Variants in PMVK observed in about 807,000 individuals in gnomAD.
The protein encoded by PMVK is testis tissue sperm-binding protein Li 95mP.
Under a neutral mutation model 19.0 loss-of-function variants are expected in PMVK, and 10 were observed. That is an observed-to-expected ratio of 0.53 (90% CI 0.32 to 0.89). The LOEUF is 0.89. Among genes scored for constraint, PMVK ranks in the 40% least tolerant of loss-of-function variants. PMVK has a pLI of 0.03. For missense variants in PMVK, 222 were observed against 251.1 expected (o/e 0.88, Z 0.78); for synonymous variants, 108 against 101.6 (o/e 1.06, Z -0.38).
At chr1:154,929,239 A>C in intron 2 of PMVK, 63 bp from the exon 3 acceptor site, 7 of 1,508,446 alleles carry the variant, frequency 4.6e-6, no homozygotes, top group Non-Finnish European at 6.4e-6. Flanking sequence ...CTCCTAAAAC[A>C]GCGGAAGAGC....
Position 154,926,397 on chromosome 1 carries a change from C to T in PMVK, c.399G>A (p.Ala133=), listed in dbSNP as rs201719999. The change falls in exon 4 of 5, where the codon GCG becomes GCA. Residue 133 remains alanine, a synonymous_variant. Coordinates refer to ENST00000368467, the MANE Select transcript of PMVK (RefSeq NM_006556.4). ...CCCGCTGCTGTCGGCTCTGCTCCAACGCTACAACGCGGACCGTCTGCGTCA... is the reference window on the plus strand; with the variant it reads ...CCCGCTGCTGTCGGCTCTGCTCCAATGCTACAACGCGGACCGTCTGCGTCA... The part of the protein sequence containing the change: ...GAVTQTVRVV[A]LEQSRQQRGW... 31 of 1,613,844 alleles carry T rather than the reference C, an allele frequency of 1.9e-5. No homozygotes were observed. The highest frequency in any genetic ancestry group is 1.8e-4 in the East Asian group (8 of 44,886).
intron 1 of PMVK, among the ~76,000 whole-genome samples, chr1:154,935,395 C>T (rs1654472690): frequency 6.6e-6 from 1 of 152,160 alleles, no homozygotes; most frequent in Non-Finnish European, 1.5e-5. Context: ...CACTTTCTCC[C>T]CAACCTCTGC....
upstream of PMVK, among the ~76,000 whole-genome samples, chr1:154,941,110 G>A (rs1654630297): frequency 6.6e-6 from 1 of 152,212 alleles, no homozygotes; most frequent in African/African-American, 2.4e-5. Context: ...CCGCCACTCT[G>A]GGGTTTCCGA....
rs200157729 is a variant in PMVK at position 154,926,383 on chromosome 1, C to A, written c.413G>T (p.Arg138Leu). 22 of 1,613,466 alleles carry A rather than the reference C, an allele frequency of 1.4e-5. No individual in the cohort carries two copies. The East Asian group carries it at 4.2e-4, about 31-fold the overall frequency. ...TVRVVALEQS[R>L]QQRGWVFTPG... Reference sequence around the variant, plus strand: ...CGTGAACACCCAGCCCCGCTGCTGTCGGCTCTGCTCCAACGCTACAACGCG... The same window carrying A: ...CGTGAACACCCAGCCCCGCTGCTGTAGGCTCTGCTCCAACGCTACAACGCG... Residue 138 changes from arginine to leucine, a missense_variant, in exon 4 of 5, where the codon CGA becomes CTA. Coordinates refer to ENST00000368467, the MANE Select transcript of PMVK (RefSeq NM_006556.4).
At chr1:154,936,894 C>T, upstream of PMVK, 1 of 569,312 alleles carries the variant, frequency 1.8e-6, no homozygotes, top group Non-Finnish European at 3.2e-6. Flanking sequence ...GGGTGAGACA[C>T]GCGGAGAGAA....
Position 154,925,096 on chromosome 1 carries a change from AGCAGG to A in PMVK, c.*28_*32del. 2 of 1,193,954 alleles carry A rather than the reference AGCAGG, an allele frequency of 1.7e-6. No homozygotes were observed. The highest frequency in any genetic ancestry group is 2.1e-6 in the Non-Finnish European group (2 of 937,754). 74.0% of individuals were successfully genotyped at this position (1,193,954 alleles called of 1,614,324 possible). Reference sequence around the variant, plus strand: ...GCAGAGTCAGCCCCACCCCCACCTCAGCAGGCCCCAGCTCACTCCTAGAACCTAGT... The same window carrying A: ...GCAGAGTCAGCCCCACCCCCACCTCACCCCAGCTCACTCCTAGAACCTAGT... On this transcript the variant is annotated 3_prime_UTR_variant, in exon 5 of 5. Coordinates refer to ENST00000368467, the MANE Select transcript of PMVK (RefSeq NM_006556.4).
upstream of PMVK, chr1:154,938,162 G>A (rs1324558564): frequency 6.6e-6 from 1 of 152,202 alleles, no homozygotes; most frequent in Non-Finnish European, 1.5e-5. Context: ...GGCCTCCACG[G>A]AAAGTCCACA....
chr1:154,936,864 A>T (rs1317923725), upstream of PMVK: 3 of 603,712 alleles, frequency 5.0e-6, no homozygotes, highest in African/African-American at 5.6e-5. Context: ...GCTCATGTCC[A>T]AACAGATATG....
chr1:154,937,143 G>A (rs1038762199), upstream of PMVK, among the ~76,000 whole-genome samples: 1 of 152,168 alleles, frequency 6.6e-6, no homozygotes, highest in Non-Finnish European at 1.5e-5. Flanking sequence ...TCTCTGGAGT[G>A]AGATCACGTT....
At chr1:154,933,062 T>C (rs1386143249) in intron 1 of PMVK, among the ~76,000 whole-genome samples, 2 of 152,072 alleles carry the variant, frequency 1.3e-5, no homozygotes, top group South Asian at 2.1e-4. Context: ...TGAGCCATGA[T>C]TGTACCACTG....
At chr1:154,928,419 T>C (rs1303562334) in intron 3 of PMVK, among the ~76,000 whole-genome samples, 5 of 152,180 alleles carry the variant, frequency 3.3e-5, no homozygotes, top group Non-Finnish European at 5.9e-5. Flanking sequence ...ATGAGCACAA[T>C]GGGAAGCCAC....
intron 3 of PMVK, among the ~76,000 whole-genome samples, chr1:154,928,644 C>T: frequency 6.6e-6 from 1 of 151,964 alleles, no homozygotes; most frequent in East Asian, 1.9e-4. Flanking sequence ...TGGTGGTGGA[C>T]ACCTGTAGTC....
rs1654097002 is a variant in PMVK, at chr1:154,925,030, T to C, written c.*99A>G. 6.4e-6 allele frequency: 5 copies of C among 780,406 alleles called. No individual in the cohort carries two copies. Among genetic ancestry groups the C allele is most frequent in the Admixed American group, 2.3e-5 (1 of 43,354 alleles). 48.3% of individuals were successfully genotyped at this position (780,406 alleles called of 1,614,324 possible). On this transcript the variant is annotated 3_prime_UTR_variant, in exon 5 of 5. Coordinates refer to ENST00000368467, the MANE Select transcript of PMVK (RefSeq NM_006556.4). ...CCTCAGAATCTAGACCCCCCCTGTC[T>C]GTTCCTCACCTCGGCCAGGATCGGG...
chr1:154,932,206 G>C (rs1558031680), intron 2 of PMVK, 146 bp downstream of exon 2: 1 of 686,384 alleles, frequency 1.5e-6, no homozygotes, highest in East Asian at 2.8e-5. Context: ...CCCCCGAAAG[G>C]TCCACTCACA....
At chr1:154,929,621 G>A (rs751740766) in intron 2 of PMVK, among the ~76,000 whole-genome samples, 2 of 151,982 alleles carry the variant, frequency 1.3e-5, no homozygotes, top group Non-Finnish European at 2.9e-5. Flanking sequence ...CACGGAGATT[G>A]TGTCTCCTTT....
chr1:154,929,844 G>C (rs1342317814), intron 2 of PMVK, among the ~76,000 whole-genome samples: 1 of 152,088 alleles, frequency 6.6e-6, no homozygotes, highest in Non-Finnish European at 1.5e-5. Context: ...GGTCTGAAAA[G>C]CATCACCTCG....
chr1:154,937,116 A>G, upstream of PMVK: 1 of 167,526 alleles, frequency 6.0e-6, no homozygotes, highest in South Asian at 1.2e-4. Flanking sequence ...GCAGCCCTAA[A>G]ACTTTAGGAA....
upstream of PMVK, chr1:154,936,781 G>A (rs771747273): frequency 5.1e-5 from 58 of 1,142,428 alleles, no homozygotes; most frequent in Non-Finnish European, 6.4e-5. Flanking sequence ...TAAGCGGAGC[G>A]GCAACAAGGA....
chr1:154,937,070 G>GA (rs1267355682), upstream of PMVK: 10 of 201,752 alleles, frequency 5.0e-5, no homozygotes, highest in African/African-American at 2.0e-4. Context: ...GGTGACGTCT[G>GA]AAATTTCCTG....
Sources: allele counts gnomAD v4.1 joint callset (sites outside exome capture counted in the v4.1 genomes callset), GRCh38; gene constraint gnomAD v4.1.1; transcripts MANE v1.5; gene names NCBI Gene and HGNC (gene_info 2026-07-23, HGNC 2026-07-21).